GALNT18: variants seen among roughly 807,000 people sequenced by gnomAD.
GALNT18 encodes the protein GalNAc-transferase 18.
Under a neutral mutation model 69.5 loss-of-function variants are expected in GALNT18, and 44 were observed. The observed-to-expected ratio is 0.63, with a 90% CI of 0.50 to 0.81. The LOEUF (loss-of-function observed/expected upper bound fraction) is 0.81. Among genes scored for constraint, GALNT18 ranks in the 40% least tolerant of loss-of-function variants. The pLI is 0.00. For missense variants in GALNT18, 715 were observed against 810.0 expected, an observed-to-expected ratio of 0.88 and a Z score of 1.42; for synonymous variants, 364 against 318.2, an observed-to-expected ratio of 1.14 and a Z score of -1.53.
chr11:11,399,054 T>C (rs1003870518), intron 3 of GALNT18, among the ~76,000 whole-genome samples: 1 of 152,210 alleles, frequency 6.6e-6, no homozygotes, highest in Non-Finnish European at 1.5e-5. Flanking sequence ...GTTGAAAGTC[T>C]ACTCTTGCAA....
chr11:11,293,020 G>T lies in GALNT18; in HGVS notation c.1677+9C>A. The T allele has an allele frequency of 1.1e-5, 15 of 1,363,198 alleles. No homozygotes were observed. Among genetic ancestry groups the T allele is most frequent in the Non-Finnish European group, 1.4e-5 (15 of 1,048,188 alleles). 84.4% of individuals were successfully genotyped at this position (1,363,198 alleles called of 1,614,324 possible). A position where few individuals can be genotyped will look rare whatever the true frequency, so the allele number is the denominator to read the frequency against. On this transcript the variant is annotated intron_variant, in intron 10 of 10. Transcript: ENST00000227756. ...GGCTGCCACTGTGCCCGGGCTCTGGGGCTGTTACCTGAGAGAACTGCCAGT... is the reference window on the plus strand; with the variant it reads ...GGCTGCCACTGTGCCCGGGCTCTGGTGCTGTTACCTGAGAGAACTGCCAGT...
chr11:11,440,819 C>T (rs1855518014), intron 2 of GALNT18, among the ~76,000 whole-genome samples: 1 of 152,224 alleles, frequency 6.6e-6, no homozygotes, highest in Admixed American at 6.5e-5. Context: ...ATGTGTCAGG[C>T]AGTGGCCCAT....
chr11:11,274,734 T>C (rs1848903267), intron 10 of GALNT18, among the ~76,000 whole-genome samples: 1 of 152,206 alleles, frequency 6.6e-6, no homozygotes, highest in Non-Finnish European at 1.5e-5. Flanking sequence ...CAGTGTGTGA[T>C]GTTCCCCTCC....
chr11:11,296,957 T>C (rs1400234464), intron 9 of GALNT18, among the ~76,000 whole-genome samples: 9 of 152,196 alleles, frequency 5.9e-5, no homozygotes, highest in Non-Finnish European at 1.0e-4. Flanking sequence ...CTTCAGTGCC[T>C]GCAGTCCCAG....
At chr11:11,399,476 A>G (rs1854413069) in intron 3 of GALNT18, among the ~76,000 whole-genome samples, 1 of 150,756 alleles carries the variant, frequency 6.6e-6, no homozygotes, top group Non-Finnish European at 1.5e-5. Flanking sequence ...AGTTTTTTTT[A>G]TCAGAACAAG....
intron 3 of GALNT18, among the ~76,000 whole-genome samples, chr11:11,385,388 C>G (rs559310223): frequency 6.6e-6 from 1 of 151,894 alleles, no homozygotes; most frequent in Admixed American, 6.6e-5. Context: ...CTCCGCCTCC[C>G]GGGTTCATGC....
At chr11:11,289,827 G>C (rs1849265667) in intron 10 of GALNT18, among the ~76,000 whole-genome samples, 1 of 152,200 alleles carries the variant, frequency 6.6e-6, no homozygotes. Flanking sequence ...CTCAGGCCAT[G>C]TGATCTTGGA....
chr11:11,294,989 T>C (rs1849370680), intron 9 of GALNT18, among the ~76,000 whole-genome samples: 2 of 152,222 alleles, frequency 1.3e-5, no homozygotes, highest in Non-Finnish European at 2.9e-5. Flanking sequence ...AAAATTCTCA[T>C]TGGCAAATAT....
chr11:11,427,235 C>T (rs1025927561), intron 3 of GALNT18, among the ~76,000 whole-genome samples: 3 of 152,208 alleles, frequency 2.0e-5, no homozygotes, highest in Admixed American at 6.5e-5. Flanking sequence ...TCCTACATAA[C>T]GGCCACTTAC....
intron 1 of GALNT18, among the ~76,000 whole-genome samples, chr11:11,457,262 G>T (rs1251118666): frequency 6.6e-6 from 1 of 152,216 alleles, no homozygotes; most frequent in East Asian, 1.9e-4. Context: ...TTGTAATGCT[G>T]CCCAGCCCTG....
chr11:11,313,939 A>T (rs1256885575), intron 9 of GALNT18, among the ~76,000 whole-genome samples: 1 of 152,184 alleles, frequency 6.6e-6, no homozygotes, highest in Non-Finnish European at 1.5e-5. Flanking sequence ...TGAACGAGAG[A>T]CCAATATTAC....
Position 11,439,358 on chromosome 11 carries a change from G to A in GALNT18, c.429-6571C>T, listed in dbSNP as rs1410247786. 6.6e-6 allele frequency among the ~76,000 whole-genome samples: 1 copy of A among 152,146 alleles called. No individual in the cohort carries two copies. Among genetic ancestry groups the A allele is most frequent in the Non-Finnish European group, 1.5e-5 (1 of 68,028 alleles). On this transcript the variant is annotated intron_variant, in intron 2 of 10. Coordinates refer to ENST00000227756, the MANE Select transcript of GALNT18 (RefSeq NM_198516.3). This position sits in a 1 kb window ranked among gnomAD's most constrained non-coding sequence, Gnocchi z 4.4. ...CTGTGTGGCTTCTCATTGTGTGATT[G>A]TGGGCCTTCATCAGCCTTCAAAAAA...
At chr11:11,299,643 A>G (rs771142959) in intron 9 of GALNT18, among the ~76,000 whole-genome samples, 15 of 152,214 alleles carry the variant, frequency 9.9e-5, no homozygotes, top group Non-Finnish European at 2.1e-4. Flanking sequence ...TGCAAATGCC[A>G]TTATCTCATT....
intron 9 of GALNT18, among the ~76,000 whole-genome samples, chr11:11,293,908 T>C (rs564905322): frequency 6.7e-6 from 1 of 148,578 alleles, no homozygotes; most frequent in Admixed American, 6.7e-5. Context: ...CAGAGTCTTG[T>C]GGGATGGGAG....
chr11:11,384,288 C>A (rs1251009849), intron 3 of GALNT18, among the ~76,000 whole-genome samples: 1 of 152,084 alleles, frequency 6.6e-6, no homozygotes, highest in East Asian at 1.9e-4. Flanking sequence ...ACTGCTGCAA[C>A]TAAGAATACC....
intron 1 of GALNT18, among the ~76,000 whole-genome samples, chr11:11,460,733 T>G: frequency 6.6e-6 from 1 of 152,000 alleles, no homozygotes; most frequent in East Asian, 1.9e-4. Context: ...TTCCTGCTAC[T>G]GTTCTTTGGA....
intron 3 of GALNT18, among the ~76,000 whole-genome samples, chr11:11,420,971 T>C (rs1035216964): frequency 6.6e-6 from 1 of 152,196 alleles, no homozygotes; most frequent in Non-Finnish European, 1.5e-5. Context: ...ACTGGTCACC[T>C]TGGCTAGTCC....
At chr11:11,433,680 G>A (rs1228276177) in intron 2 of GALNT18, among the ~76,000 whole-genome samples, 4 of 152,212 alleles carry the variant, frequency 2.6e-5, no homozygotes, top group African/African-American at 9.7e-5. Context: ...GAGGCCAGAC[G>A]ATGAAAAGTG....
At chr11:11,580,767 C>T (rs1859059574) in intron 1 of GALNT18, among the ~76,000 whole-genome samples, 1 of 152,234 alleles carries the variant, frequency 6.6e-6, no homozygotes, top group African/African-American at 2.4e-5. Flanking sequence ...CCCTAACTCA[C>T]TCCTGGGCTC....
Sources: gnomAD v4.1 joint callset for allele counts (sites outside exome capture counted in the v4.1 genomes callset) on GRCh38, gnomAD v4.1.1 for gene constraint, Gnocchi (gnomAD v3.1) non-coding constraint, MANE v1.5 for transcripts, NCBI Gene and HGNC (gene_info 2026-07-23, HGNC 2026-07-21) for gene names.